Variants in PKHD1 observed in about 807,000 individuals in gnomAD.
PKHD1 encodes the protein fibrocystin.
A neutral mutation model predicts 412.0 loss-of-function variants in PKHD1; 291 were observed. The ratio of observed to expected loss-of-function variants is 0.71; its 90% CI spans 0.64 to 0.78. The LOEUF is 0.78. Ranked by LOEUF, PKHD1 falls within the 30% of genes least tolerant of loss-of-function variation. The pLI is 0.00. For missense variants in PKHD1, 4,825 were observed against 4,950.7 expected (o/e 0.97, Z 0.76); for synonymous variants, 1,777 against 1,821.5 (o/e 0.98, Z 0.62).
At chr6:51,651,204 C>T (rs1770906337) in intron 61 of PKHD1, among the ~76,000 whole-genome samples, 3 of 152,168 alleles carry the variant, frequency 2.0e-5, no homozygotes, top group South Asian at 4.1e-4. Context: ...TAAACAGCAT[C>T]TCACTGGAGG....
intron 44 of PKHD1, 91 bp from the exon 45 acceptor site, chr6:51,886,063 T>G: frequency 3.7e-6 from 3 of 815,880 alleles, no homozygotes; most frequent in Non-Finnish European, 6.3e-6. Context: ...AAAAGTAATG[T>G]ATTAGGGAGA....
chr6:51,987,399 G>A (rs141479966), intron 35 of PKHD1, among the ~76,000 whole-genome samples: 1 of 152,264 alleles, frequency 6.6e-6, no homozygotes, highest in Non-Finnish European at 1.5e-5. Flanking sequence ...TACCCTGTTT[G>A]AACTTCACAA....
At chr6:51,943,557 C>T (rs886697017) in intron 36 of PKHD1, among the ~76,000 whole-genome samples, 3 of 151,736 alleles carry the variant, frequency 2.0e-5, no homozygotes, top group South Asian at 4.1e-4. Flanking sequence ...CCCCAAACCA[C>T]CATTCTTAAC....
At chr6:51,863,290 A>C (rs757510991) in intron 48 of PKHD1, among the ~76,000 whole-genome samples, 1 of 152,076 alleles carries the variant, frequency 6.6e-6, no homozygotes, top group Non-Finnish European at 1.5e-5. Context: ...TCCTGTAAAA[A>C]CTCAGAAGGA....
At chr6:51,649,273 A>G (rs1770557611) in intron 61 of PKHD1, 53 bp from the exon 62 acceptor site, 2 of 1,388,428 alleles carry the variant, frequency 1.4e-6, no homozygotes, top group African/African-American at 2.8e-5. Context: ...ACATATCCCT[A>G]TGGTAGCAAT....
At chr6:51,650,472 C>T (rs1770765971) in intron 61 of PKHD1, among the ~76,000 whole-genome samples, 1 of 151,798 alleles carries the variant, frequency 6.6e-6, no homozygotes, top group African/African-American at 2.4e-5. Context: ...TTAAAGTAGC[C>T]TACTTTGCTT....
chr6:51,628,873 A>G (rs1208762313), intron 65 of PKHD1, among the ~76,000 whole-genome samples: 1 of 152,206 alleles, frequency 6.6e-6, no homozygotes, highest in African/African-American at 2.4e-5. Context: ...AGAGACATAG[A>G]CCAATGGAAC....
At chr6:51,868,426 A>G (rs935368964) in intron 47 of PKHD1, among the ~76,000 whole-genome samples, 1 of 151,542 alleles carries the variant, frequency 6.6e-6, no homozygotes, top group African/African-American at 2.4e-5. Context: ...CACTATTTTC[A>G]ATCATTTTTG....
chr6:51,814,231 A>T (rs1335164668), intron 52 of PKHD1, among the ~76,000 whole-genome samples: 1 of 152,200 alleles, frequency 6.6e-6, no homozygotes, highest in African/African-American at 2.4e-5. Context: ...CTTGCAAGAT[A>T]TCATTAAATA....
intron 35 of PKHD1, among the ~76,000 whole-genome samples, chr6:51,993,284 C>G (rs532878316): frequency 1.3e-5 from 2 of 152,330 alleles, no homozygotes; most frequent in East Asian, 3.9e-4. Context: ...TCCCAGGAGC[C>G]GAGCAGGCAG....
chr6:51,955,156 G>A (rs1026308522), intron 36 of PKHD1, among the ~76,000 whole-genome samples: 4 of 151,808 alleles, frequency 2.6e-5, no homozygotes, highest in African/African-American at 9.7e-5. Flanking sequence ...TTAATTGATT[G>A]GGTTAATTCT....
In PKHD1 at chr6:52,072,072, G is replaced by A. The variant is rs199585777; in HGVS notation, c.602+43C>T. ...GTGTGTGTGTTGTATCCATGTGGAC[G>A]AACTTACAAGCATGTGCATTGGCAA... On this transcript the variant is annotated intron_variant, in intron 8 of 66. Coordinates refer to ENST00000371117, the MANE Select transcript of PKHD1 (RefSeq NM_138694.4). The A allele has an allele frequency of 2.3e-4, 251 of 1,110,380 alleles. 1 individual carries two copies. The highest frequency in any genetic ancestry group is 3.1e-4 in the Non-Finnish European group (226 of 720,000). The allele number at this position is 1,110,380 out of a possible 1,614,324, so 68.8% of individuals were successfully genotyped here. A position where few individuals can be genotyped will look rare whatever the true frequency, so the allele number is the denominator to read the frequency against.
At chr6:51,778,470 C>T (rs2894788) in intron 53 of PKHD1, among the ~76,000 whole-genome samples, 86,852 of 151,778 alleles carry the variant, frequency 0.57, 25,913 homozygotes, top group East Asian at 0.83. Context: ...TGTTAAATGG[C>T]GAAGTTGGGC....
chr6:51,897,781 G>A lies in PKHD1; in HGVS notation c.6996+5816C>T, dbSNP rs1384342643. The stretch of plus-strand genomic sequence containing the variant: ...ATTCAGGAAACCCATCTCATGTGCA[G>A]AGACACACATAGGCTCAAAATAAAA... On this transcript the variant is annotated intron_variant, in intron 43 of 66. Transcript: ENST00000371117. Among the ~76,000 whole-genome samples the A allele has an allele frequency of 2.4e-4, 35 of 143,238 alleles. No homozygotes were observed. In the Middle Eastern group the frequency reaches 0.01, roughly 42 times the overall value. The allele number at this position is 143,238 out of a possible 152,430, so 94.0% of individuals were successfully genotyped here.
intron 60 of PKHD1, among the ~76,000 whole-genome samples, chr6:51,727,336 G>A: frequency 6.6e-6 from 1 of 152,140 alleles, no homozygotes; most frequent in Non-Finnish European, 1.5e-5. Flanking sequence ...TGCCTCCTCA[G>A]ATGAAAGAAC....
intron 43 of PKHD1, among the ~76,000 whole-genome samples, chr6:51,892,478 T>A (rs1031813244): frequency 6.6e-5 from 10 of 152,208 alleles, no homozygotes; most frequent in Non-Finnish European, 1.2e-4. Flanking sequence ...ATTCAGTGCA[T>A]AGATACCAGG....
At position 52,048,547 on chromosome 6, in the gene PKHD1, T is replaced by C; in HGVS notation, c.2352A>G (p.Thr784=). The C allele has an allele frequency of 6.2e-7, 1 of 1,614,000 alleles. No individual in the cohort carries two copies. The highest frequency in any genetic ancestry group is 1.1e-5 in the South Asian group (1 of 91,082). Residue 784 remains threonine, a synonymous_variant, in exon 23 of 67, where the codon ACA becomes ACG. Transcript: ENST00000371117. The part of the protein sequence containing the change: ...VLVTTQRRQR[T]SPPLGGHFRI... ...GAAAGTGTCCTCCTAGAGGTGGACT[T>C]GTCCGCTGTCGTCTCTGTGTCGTCA...
At chr6:51,656,760 A>T (rs1771931249) in intron 61 of PKHD1, among the ~76,000 whole-genome samples, 1 of 151,746 alleles carries the variant, frequency 6.6e-6, no homozygotes, top group South Asian at 2.1e-4. Flanking sequence ...TCCCAGGCTA[A>T]AACAATCCAC....
At chr6:51,896,739 CA>C (rs1179044105) in intron 43 of PKHD1, among the ~76,000 whole-genome samples, 1 of 151,784 alleles carries the variant, frequency 6.6e-6, no homozygotes, top group African/African-American at 2.4e-5. Flanking sequence ...ACATTCAAAC[CA>C]AAGGCAAAGA....
Sources: gnomAD v4.1 joint callset for allele counts (sites outside exome capture counted in the v4.1 genomes callset) on GRCh38, gnomAD v4.1.1 for gene constraint, MANE v1.5 for transcripts, NCBI Gene and HGNC (gene_info 2026-07-23, HGNC 2026-07-21) for gene names.